RIOK3: variants seen among roughly 807,000 people sequenced by gnomAD.
RIOK3 encodes the protein serine/threonine-protein kinase RIO3.
In RIOK3, 40 loss-of-function variants were observed where a neutral mutation model predicts 63.5. The ratio of observed to expected loss-of-function variants is 0.63; its 90% CI spans 0.49 to 0.82. RIOK3 has a LOEUF of 0.82. Among genes scored for constraint, RIOK3 ranks in the 40% least tolerant of loss-of-function variants. The probability of loss-of-function intolerance (pLI) is 0.00; values close to 1 mark genes in which losing one functional copy is unlikely to be tolerated. For synonymous variants in RIOK3, 193 were observed against 205.0 expected, an observed-to-expected ratio of 0.94 and a Z score of 0.50; for missense variants, 557 against 637.0, an observed-to-expected ratio of 0.87 and a Z score of 1.35.
rs779645778 is a variant in RIOK3, at chr18:23,477,190, C to T, written c.1266C>T (p.Ile422=). The change falls in exon 11 of 13, where the codon ATC becomes ATT. Residue 422 remains isoleucine (I), a synonymous_variant. Transcript: ENST00000339486. ...MLWHAGKVWL[I]DVSQSVEPTH... Reference sequence around the variant, plus strand: ...CTGTATTGAAATAGGTCTGGTTGATCGATGTCAGTCAGTCAGTAGAACCTA... The same window carrying T: ...CTGTATTGAAATAGGTCTGGTTGATTGATGTCAGTCAGTCAGTAGAACCTA... 5.0e-6 allele frequency: 8 copies of T among 1,613,888 alleles called. No individual in the cohort carries two copies. The highest frequency in any genetic ancestry group is 4.4e-5 in the South Asian group (4 of 91,064).
chr18:23,454,295 A>C (rs1294881551), intron 1 of RIOK3, among the ~76,000 whole-genome samples: 1 of 152,238 alleles, frequency 6.6e-6, no homozygotes, highest in Non-Finnish European at 1.5e-5. Flanking sequence ...TGTTCTTTAC[A>C]TGCTAACACA....
chr18:23,479,784 C>T (rs2057519352), intron 12 of RIOK3, among the ~76,000 whole-genome samples: 3 of 152,236 alleles, frequency 2.0e-5, no homozygotes, highest in Non-Finnish European at 1.5e-5. Flanking sequence ...GCCATGTTGG[C>T]CAGGCCGGTC....
intron 1 of RIOK3, among the ~76,000 whole-genome samples, chr18:23,454,474 C>A (rs1428001109): frequency 6.6e-6 from 1 of 152,200 alleles, no homozygotes; most frequent in African/African-American, 2.4e-5. Flanking sequence ...GTTAAGTCTG[C>A]ATGTTATTTT....
intron 1 of RIOK3, among the ~76,000 whole-genome samples, chr18:23,459,481 A>T (rs2057360826): frequency 6.6e-6 from 1 of 152,166 alleles, no homozygotes; most frequent in Non-Finnish European, 1.5e-5. Flanking sequence ...CATGAACCCT[A>T]ATACAGTGAT....
rs1409557497 is a variant in RIOK3, at chr18:23,483,070, C to T, written c.*1791C>T. The T allele has an allele frequency of 6.6e-6, 1 of 152,150 alleles. No homozygotes were observed. Among genetic ancestry groups the T allele is most frequent in the Admixed American group, 6.5e-5 (1 of 15,270 alleles). The allele number at this position is 152,150 out of a possible 1,614,324, so 9.4% of individuals were successfully genotyped here. ...TCTGACAAAGAGCAGCAAACCACTG[C>T]TGTGTGGCATTCTTGGAGTGTGCTG... On this transcript the variant is annotated 3_prime_UTR_variant, in exon 13 of 13. Transcript: ENST00000339486.
intron 6 of RIOK3, 71 bp from the exon 7 acceptor site, chr18:23,467,328 T>C: frequency 3.4e-6 from 5 of 1,481,654 alleles, no homozygotes; most frequent in Non-Finnish European, 4.6e-6. Context: ...AAAAAAAAGT[T>C]ATTAGAAGTG....
Position 23,464,046 on chromosome 18 carries a change from G to A in RIOK3, c.259G>A (p.Glu87Lys). Reference protein sequence around the residue: ...DLMLAQMLQMEYDREYDAQLR... With the variant: ...DLMLAQMLQMKYDREYDAQLR... ...TATGCTGGCTCAGATGCTACAGATG[G>A]AATATGACAGAGAATATGATGCACA... Residue 87 changes from glutamate to lysine, a missense_variant, in exon 3 of 13, where the codon GAA becomes AAA. Physicochemically the swap from Glu to Lys is moderately conservative, Grantham distance 56. Transcript: ENST00000339486. 3 of 1,613,388 alleles carry A rather than the reference G, an allele frequency of 1.9e-6. No individual in the cohort carries two copies. The highest frequency in any genetic ancestry group is 8.5e-7 in the Non-Finnish European group (1 of 1,179,638).
chr18:23,475,037 C>T lies in RIOK3; in HGVS notation c.1103C>T (p.Pro368Leu). The change falls in exon 9 of 13, where the codon CCA (proline) becomes CTA (leucine). Residue 368 changes from proline (P) to leucine (L), a missense_variant. Physicochemically the swap from Pro to Leu is moderately conservative, Grantham distance 98. This residue lies in a region of RIOK3 where 309 missense variants were observed against 338.7 expected (regional missense o/e 0.91). Coordinates refer to ENST00000339486, the MANE Select transcript of RIOK3 (RefSeq NM_003831.5). ...VMSFIGHDQV[P>L]APKLKEVKLN... ...TCTTTTATTGGCCATGATCAAGTTC[C>T]AGCCCCTAAATTAAAAGAAGTAAAG... 6.2e-7 allele frequency: 1 copy of T among 1,613,020 alleles called. No individual in the cohort carries two copies. Among genetic ancestry groups the T allele is most frequent in the Non-Finnish European group, 8.5e-7 (1 of 1,179,080 alleles).
At position 23,481,267 on chromosome 18, in the gene RIOK3, A is replaced by G. The variant is rs56387307; in HGVS notation, c.1548A>G (p.Leu516=). 1.4e-5 allele frequency: 23 copies of G among 1,589,782 alleles called. No homozygotes were observed. The highest frequency in any genetic ancestry group is 5.2e-5 in the Admixed American group (3 of 58,236). Residue 516 remains leucine (L), a synonymous_variant, in exon 13 of 13, where the codon CTA becomes CTG. Coordinates refer to ENST00000339486, the MANE Select transcript of RIOK3 (RefSeq NM_003831.5). ...AAGATGATGGAGACCCACCACTACT[A>G]TATGATGAATAGCACTAATACCCAC... ...FLKDDGDPPL[L]YDE
At chr18:23,456,422 A>G (rs1322009190) in intron 1 of RIOK3, 1 of 152,236 alleles carries the variant, frequency 6.6e-6, no homozygotes, top group African/African-American at 2.4e-5. Flanking sequence ...TAGTGTCACT[A>G]AAGTTGATAT....
intron 7 of RIOK3, among the ~76,000 whole-genome samples, chr18:23,469,041 T>A (rs1398094786): frequency 6.6e-6 from 1 of 152,236 alleles, no homozygotes; most frequent in Non-Finnish European, 1.5e-5. Flanking sequence ...TGCAGTTCCT[T>A]GCCATGGGGC....
At chr18:23,481,089 A>G in intron 12 of RIOK3, 83 bp from the exon 13 acceptor site, 1 of 1,091,788 alleles carries the variant, frequency 9.2e-7, no homozygotes, top group African/African-American at 1.6e-5. Flanking sequence ...CAAAAAAAGA[A>G]AAAAATTACT....
Position 23,463,089 on chromosome 18 carries a change from A to AT in RIOK3, c.179+12dup. On this transcript the variant is annotated intron_variant, in intron 2 of 12. Transcript: ENST00000339486. Reference sequence around the variant, plus strand: ...TTTTTCCTGAAGTTGCGTAAGTAAAATTCACAAATACTTTATCTAGCAACT... The same window carrying AT: ...TTTTTCCTGAAGTTGCGTAAGTAAAATTTCACAAATACTTTATCTAGCAACT... 1 of 1,528,970 alleles carries AT rather than the reference A, an allele frequency of 6.5e-7. No individual in the cohort carries two copies. Among genetic ancestry groups the AT allele is most frequent in the Non-Finnish European group, 9.0e-7 (1 of 1,109,750 alleles). The allele number at this position is 1,528,970 out of a possible 1,614,324, so 94.7% of individuals were successfully genotyped here.
At chr18:23,480,145 T>C (rs2057521777) in intron 12 of RIOK3, among the ~76,000 whole-genome samples, 1 of 152,172 alleles carries the variant, frequency 6.6e-6, no homozygotes. Context: ...ATGAAAAAGC[T>C]TCCTCCAGAG....
intron 7 of RIOK3, among the ~76,000 whole-genome samples, chr18:23,472,586 G>A (rs749003428): frequency 3.9e-5 from 6 of 151,980 alleles, no homozygotes; most frequent in African/African-American, 9.7e-5. Flanking sequence ...ATCCTGAGTC[G>A]ACCCCACACC....
Position 23,473,411 on chromosome 18 carries a change from T to A in RIOK3, c.816-18T>A, listed in dbSNP as rs1568386012. ...AGCTGGCAACTTGTACTGACTTGAT[T>A]TTTTTTCTTCCACTTAGCATGGAGG... is the stretch of plus-strand genomic sequence containing the variant. On this transcript the variant is annotated intron_variant, in intron 7 of 12. Coordinates refer to ENST00000339486, the MANE Select transcript of RIOK3 (RefSeq NM_003831.5). The A allele has an allele frequency of 6.4e-7, 1 of 1,563,644 alleles. No individual in the cohort carries two copies.
At chr18:23,455,776 G>A (rs986982076) in intron 1 of RIOK3, among the ~76,000 whole-genome samples, 1 of 151,800 alleles carries the variant, frequency 6.6e-6, no homozygotes, top group Admixed American at 6.6e-5. Context: ...CTGGACTACA[G>A]GCCAGTGCCA....
intron 1 of RIOK3, among the ~76,000 whole-genome samples, chr18:23,457,555 G>A (rs952532456): frequency 1.5e-4 from 23 of 152,160 alleles, no homozygotes; most frequent in Non-Finnish European, 2.5e-4. Context: ...TGTGACAAAC[G>A]TATAATACTA....
At chr18:23,455,378 CTTTTTTTTTTTTTCTTTTTCT>C (rs1259560801) in intron 1 of RIOK3, among the ~76,000 whole-genome samples, 2 of 138,822 alleles carry the variant, frequency 1.4e-5, no homozygotes, top group Admixed American at 7.3e-5. Context: ...CAACGTCTTT[CTTTTTTTTTTTTTCTTTTTCT>C]TTTTTTTTTT....
Sources: gnomAD v4.1 joint callset for allele counts (sites outside exome capture counted in the v4.1 genomes callset) on GRCh38, gnomAD v4.1.1 for gene constraint, gnomAD v4.1.1 regional missense constraint, MANE v1.5 for transcripts, NCBI Gene and HGNC (gene_info 2026-07-23, HGNC 2026-07-21) for gene names.